The following RPL28 variants were observed in gnomAD, a reference collection of about 807,000 sequenced individuals.
The protein encoded by RPL28 is large ribosomal subunit protein eL28.
In RPL28, 4 loss-of-function variants were observed where a neutral mutation model predicts 12.5. That is an observed-to-expected ratio of 0.32 (90% CI 0.16 to 0.73). The LOEUF (loss-of-function observed/expected upper bound fraction) is 0.73. Among genes scored for constraint, RPL28 ranks in the 30% least tolerant of loss-of-function variants. The pLI is 0.66. For missense variants in RPL28, 214 were observed against 197.7 expected, an observed-to-expected ratio of 1.08 and a Z score of -0.49; for synonymous variants, 91 against 72.5, an observed-to-expected ratio of 1.26 and a Z score of -1.30.
In RPL28 at chr19:55,388,678, A is replaced by C; in HGVS notation, c.*346A>C. The stretch of plus-strand genomic sequence containing the variant: ...GAAGAAGAAAGGCCTTTTCTAGCCC[A>C]GAAGGGTGCAGGCTGAGGGCTGGGC... On this transcript the variant is annotated 3_prime_UTR_variant, in exon 5 of 5. Transcript: ENST00000344063. 1 of 1,085,952 alleles carries C rather than the reference A, an allele frequency of 9.2e-7. No individual in the cohort carries two copies. Among genetic ancestry groups the C allele is most frequent in the Non-Finnish European group, 1.1e-6 (1 of 895,514 alleles). 67.3% of individuals were successfully genotyped at this position (1,085,952 alleles called of 1,614,324 possible).
At chr19:55,386,860 C>T (rs769832425) in intron 3 of RPL28, 167 bp downstream of exon 3, 7 of 1,552,536 alleles carry the variant, frequency 4.5e-6, no homozygotes, top group African/African-American at 2.7e-5. Flanking sequence ...CTTGTCAGCT[C>T]TGTGAGCCGC....
downstream of RPL28, among the ~76,000 whole-genome samples, chr19:55,396,616 G>A (rs1461536561): frequency 2.5e-5 from 3 of 117,970 alleles, no homozygotes; most frequent in Non-Finnish European, 5.2e-5. Context: ...TTTTTGAGAC[G>A]AGTCTCACTC....
At chr19:55,403,126 T>C (rs764464739) in exon 5 of RPL28, 2 of 803,010 alleles carry the variant, frequency 2.5e-6, no homozygotes, top group Admixed American at 2.0e-5. Context: ...CACCCCCGAG[T>C]TGTGACAACC....
chr19:55,402,023 C>T (rs1014784864), intron 4 of RPL28, among the ~76,000 whole-genome samples: 28 of 152,196 alleles, frequency 1.8e-4, no homozygotes, highest in African/African-American at 6.0e-4. Context: ...CCTGGTCCTC[C>T]GTGGAACTTG....
exon 5 of RPL28, chr19:55,403,093 C>T: frequency 9.5e-7 from 1 of 1,058,104 alleles, no homozygotes; most frequent in South Asian, 1.3e-5. Flanking sequence ...CACCCTTGGC[C>T]TCCACCCACT....
At chr19:55,395,480 C>T (rs189053096), downstream of RPL28, among the ~76,000 whole-genome samples, 1,252 of 145,240 alleles carry the variant, frequency 8.6e-3, 10 homozygotes, top group Non-Finnish European at 9.8e-3. Context: ...CTCTTGCACT[C>T]TCCCCCAGTC....
downstream of RPL28, among the ~76,000 whole-genome samples, chr19:55,395,443 CT>C (rs535831486): frequency 0.34 from 45,332 of 131,928 alleles, 7,421 homozygotes; most frequent in African/African-American, 0.43. Flanking sequence ...TTCTTTTTCT[CT>C]TTTTTTTTTT....
At position 55,390,893 on chromosome 19, in the gene RPL28, A is replaced by T. The variant is rs1413440339; in HGVS notation, c.*2561A>T. 3 of 984,030 alleles carry T rather than the reference A, an allele frequency of 3.0e-6. No homozygotes were observed. The highest frequency in any genetic ancestry group is 1.2e-6 in the Non-Finnish European group (1 of 829,154). 61.0% of individuals were successfully genotyped at this position (984,030 alleles called of 1,614,324 possible). A position where few individuals can be genotyped will look rare whatever the true frequency, so the allele number is the denominator to read the frequency against. ...TCTAGACCTCATCTTGGAGAGAGAG[A>T]TGTTGGATGGGGCCATCTATTCCAG... is the stretch of plus-strand genomic sequence containing the variant. On this transcript the variant is annotated 3_prime_UTR_variant, in exon 5 of 5. Coordinates refer to ENST00000344063, the MANE Select transcript of RPL28 (RefSeq NM_000991.5).
chr19:55,399,155 T>A (rs1191036222), intron 4 of RPL28, among the ~76,000 whole-genome samples: 1 of 147,400 alleles, frequency 6.8e-6, no homozygotes, highest in Non-Finnish European at 1.5e-5. Context: ...CCTGGCTAAT[T>A]TTTTTCTTTT....
At chr19:55,392,781 G>A (rs2089999779), downstream of RPL28, among the ~76,000 whole-genome samples, 1 of 151,250 alleles carries the variant, frequency 6.6e-6, no homozygotes, top group Non-Finnish European at 1.5e-5. Flanking sequence ...CGTCCGCCTC[G>A]GTCCCCCAAA....
chr19:55,390,682 C>T lies in RPL28; in HGVS notation c.*2350C>T. 1 of 985,468 alleles carries T rather than the reference C, an allele frequency of 1.0e-6. No individual in the cohort carries two copies. Among genetic ancestry groups the T allele is most frequent in the Non-Finnish European group, 1.2e-6 (1 of 829,946 alleles). 61.0% of individuals were successfully genotyped at this position (985,468 alleles called of 1,614,324 possible). On this transcript the variant is annotated 3_prime_UTR_variant, in exon 5 of 5. Transcript: ENST00000344063. ...TAACACAGCCCAGCTTAGTGGGCCTCTGTTCCTGCGGGTGGCCAGCCTGTC... is the reference window on the plus strand; with the variant it reads ...TAACACAGCCCAGCTTAGTGGGCCTTTGTTCCTGCGGGTGGCCAGCCTGTC...
At chr19:55,402,698 CCT>C (rs1260970974) in intron 4 of RPL28, among the ~76,000 whole-genome samples, 6 of 152,302 alleles carry the variant, frequency 3.9e-5, no homozygotes, top group South Asian at 2.1e-4. Context: ...TGGCTGAGCC[CCT>C]GACAGGCCCA....
At chr19:55,401,805 C>A in intron 4 of RPL28, 3 of 1,603,812 alleles carry the variant, frequency 1.9e-6, no homozygotes, top group Non-Finnish European at 2.6e-6. Context: ...GGGCAACCTA[C>A]AGGGACCCCC....
In RPL28 at chr19:55,388,418, C is replaced by G; in HGVS notation, c.*86C>G. On this transcript the variant is annotated 3_prime_UTR_variant, in exon 5 of 5. Transcript: ENST00000344063. ...CCTTTTTGAAACGCTCTGGGGAGCT[C>G]TGGCCCTGTGTGTTGTCATTCAGGC... The G allele has an allele frequency of 7.2e-7, 1 of 1,397,920 alleles. No individual in the cohort carries two copies. The highest frequency in any genetic ancestry group is 9.3e-7 in the Non-Finnish European group (1 of 1,071,796). The allele number at this position is 1,397,920 out of a possible 1,614,324, so 86.6% of individuals were successfully genotyped here.
chr19:55,400,113 C>A (rs1022503461), intron 4 of RPL28: 4 of 152,186 alleles, frequency 2.6e-5, no homozygotes, highest in African/African-American at 9.7e-5. Flanking sequence ...TTAGAATAGG[C>A]AAATTCTTTC....
At position 55,388,456 on chromosome 19, in the gene RPL28, ACT is replaced by A. The variant is rs1202217035; in HGVS notation, c.*127_*128del. On this transcript the variant is annotated 3_prime_UTR_variant, in exon 5 of 5. Coordinates refer to ENST00000344063, the MANE Select transcript of RPL28 (RefSeq NM_000991.5). ...TTGTCATTCAGGCCATGTCATCAAA[ACT>A]CTGCATGTCACCTTGTCCATCTGGA... The A allele has an allele frequency of 4.5e-6, 6 of 1,338,048 alleles. No homozygotes were observed. Among genetic ancestry groups the A allele is most frequent in the Middle Eastern group, 2.8e-4 (1 of 3,560 alleles). The allele number at this position is 1,338,048 out of a possible 1,614,324, so 82.9% of individuals were successfully genotyped here.
intron 4 of RPL28, among the ~76,000 whole-genome samples, chr19:55,398,596 A>G (rs936557712): frequency 2.6e-5 from 4 of 152,044 alleles, no homozygotes; most frequent in Non-Finnish European, 5.9e-5. Flanking sequence ...AACCATTTGG[A>G]TTTCCTGTGT....
intron 2 of RPL28, 48 bp from the exon 3 acceptor site, chr19:55,386,522 T>G (rs770446699): frequency 6.3e-7 from 1 of 1,599,094 alleles, no homozygotes; most frequent in South Asian, 1.1e-5. Flanking sequence ...GACCTTCGCA[T>G]GTCTCCGGGT....
At chr19:55,386,815 G>GTGTT in intron 3 of RPL28, 122 bp downstream of exon 3, 1 of 1,596,822 alleles carries the variant, frequency 6.3e-7, no homozygotes. Context: ...TGGCGCCAGG[G>GTGTT]TGTTGGTCTG....
Sources: gnomAD v4.1 joint callset for allele counts (sites outside exome capture counted in the v4.1 genomes callset) on GRCh38, gnomAD v4.1.1 for gene constraint, MANE v1.5 for transcripts, NCBI Gene and HGNC (gene_info 2026-07-23, HGNC 2026-07-21) for gene names.